The following KIF6 variants were observed in gnomAD, a reference collection of about 807,000 sequenced individuals.
KIF6 encodes kinesin family member 6.
KIF6 carries 106 observed loss-of-function variants against 112.7 expected under a neutral mutation model. The observed-to-expected ratio is 0.94, with a 90% CI of 0.80 to 1.11. The LOEUF is 1.11. Ranked by LOEUF, KIF6 falls within the 50% of genes least tolerant of loss-of-function variation. The probability of loss-of-function intolerance (pLI) is 0.00; values close to 1 mark genes in which losing one functional copy is unlikely to be tolerated. For synonymous variants in KIF6, 339 were observed against 339.9 expected, an observed-to-expected ratio of 1.00 and a Z score of 0.03; for missense variants, 929 against 964.0, an observed-to-expected ratio of 0.96 and a Z score of 0.48.
At position 39,720,700 on chromosome 6, in the gene KIF6, A is replaced by G; in HGVS notation, c.176+2T>C. 6.7e-7 allele frequency: 1 copy of G among 1,489,448 alleles called. No homozygotes were observed. The allele number at this position is 1,489,448 out of a possible 1,614,324, so 92.3% of individuals were successfully genotyped here. On this transcript the variant is annotated splice_donor_variant, in intron 2 of 22. Coordinates refer to ENST00000287152, the MANE Select transcript of KIF6 (RefSeq NM_145027.6). LOFTEE classifies it high-confidence loss of function. ...ATGAAAAAAGGAGAAAGAAAAACTTACTTAAATTTGTAGCTTTCTCGCTTA... is the reference window on the plus strand; with the variant it reads ...ATGAAAAAAGGAGAAAGAAAAACTTGCTTAAATTTGTAGCTTTCTCGCTTA...
At chr6:39,523,957 C>T (rs915647655) in intron 13 of KIF6, among the ~76,000 whole-genome samples, 9 of 152,066 alleles carry the variant, frequency 5.9e-5, no homozygotes, top group African/African-American at 2.2e-4. Context: ...ATAGGAGCCA[C>T]TGCTCCTTTA....
intron 13 of KIF6, among the ~76,000 whole-genome samples, chr6:39,489,911 G>A: frequency 6.6e-6 from 1 of 152,142 alleles, no homozygotes; most frequent in East Asian, 1.9e-4. Context: ...ACTACTGACG[G>A]CATATTTGAC....
At chr6:39,649,450 T>G (rs1160472073) in intron 3 of KIF6, among the ~76,000 whole-genome samples, 1 of 152,192 alleles carries the variant, frequency 6.6e-6, no homozygotes, top group East Asian at 1.9e-4. Flanking sequence ...TGGTAATTTA[T>G]ACATCTGCGG....
At chr6:39,535,529 T>A (rs188204759) in intron 13 of KIF6, among the ~76,000 whole-genome samples, 189 of 152,328 alleles carry the variant, frequency 1.2e-3, no homozygotes, top group African/African-American at 4.5e-3. Context: ...TAAATATATA[T>A]GCAACCAATA....
At chr6:39,505,647 A>C (rs1414239931) in intron 13 of KIF6, among the ~76,000 whole-genome samples, 1 of 152,248 alleles carries the variant, frequency 6.6e-6, no homozygotes, top group Non-Finnish European at 1.5e-5. Flanking sequence ...ACTTAAACAA[A>C]TTTAGAAGAA....
At chr6:39,465,164 G>A (rs1377648019) in intron 13 of KIF6, among the ~76,000 whole-genome samples, 1 of 152,144 alleles carries the variant, frequency 6.6e-6, no homozygotes, top group Non-Finnish European at 1.5e-5. Context: ...CATACCCCAT[G>A]TCTGCACATG....
chr6:39,648,223 C>CGGG lies in KIF6; in HGVS notation c.252-8469_252-8467dup, dbSNP rs34604470. On this transcript the variant is annotated intron_variant, in intron 3 of 22. Transcript: ENST00000287152. ...ATTTTTAGTAGAGACGGGGGGCGGG[C>CGGG]GGGGGGGGGTGCCTCACCATGTTGG... Among the ~76,000 whole-genome samples, 140 of 61,750 alleles carry CGGG rather than the reference C, an allele frequency of 2.3e-3. 2 individuals carry two copies. The highest frequency in any genetic ancestry group is 8.3e-3 in the South Asian group (13 of 1,572). The allele number at this position is 61,750 out of a possible 152,430, so 40.5% of individuals were successfully genotyped here. A position where few individuals can be genotyped will look rare whatever the true frequency, so the allele number is the denominator to read the frequency against.
chr6:39,372,612 G>C (rs1427815167), intron 16 of KIF6, among the ~76,000 whole-genome samples: 8 of 152,266 alleles, frequency 5.3e-5, no homozygotes, highest in African/African-American at 1.9e-4. Flanking sequence ...AAAAAGTTCA[G>C]AGAATGAGAT....
intron 13 of KIF6, among the ~76,000 whole-genome samples, chr6:39,460,075 G>GT (rs1209455848): frequency 2.7e-5 from 4 of 149,236 alleles, no homozygotes; most frequent in Non-Finnish European, 6.0e-5. Context: ...ACATGCACAC[G>GT]TATGTTTATT....
In KIF6 at chr6:39,357,296, G is replaced by C. The variant is rs149250289; in HGVS notation, c.2161C>G (p.Gln721Glu). Residue 721 changes from glutamine (Q) to glutamate (E), a missense_variant, in exon 19 of 23, where the codon CAA becomes GAA. Gln to Glu is a conservative substitution (Grantham distance 29). Coordinates refer to ENST00000287152, the MANE Select transcript of KIF6 (RefSeq NM_145027.6). ...CCTTACCTTTTGTTAGAGAGGAGTTGGGACCATTCATGCTGGGAGTCAGAT... is the reference window on the plus strand; with the variant it reads ...CCTTACCTTTTGTTAGAGAGGAGTTCGGACCATTCATGCTGGGAGTCAGAT... ...QTSDSQHEWS[Q>E]LLSNKSSGGW... is the part of the protein sequence containing the mutation. 2.8e-5 allele frequency: 45 copies of C among 1,612,928 alleles called. No homozygotes were observed. The highest frequency in any genetic ancestry group is 3.7e-5 in the Non-Finnish European group (44 of 1,179,056).
At chr6:39,581,155 T>A (rs1259986710) in intron 9 of KIF6, among the ~76,000 whole-genome samples, 3 of 145,254 alleles carry the variant, frequency 2.1e-5, no homozygotes, top group African/African-American at 7.5e-5. Context: ...TTAGTAGCTT[T>A]ACTTTCTTTT....
intron 13 of KIF6, among the ~76,000 whole-genome samples, chr6:39,486,962 C>A (rs1316428285): frequency 6.6e-6 from 1 of 151,922 alleles, no homozygotes; most frequent in Non-Finnish European, 1.5e-5. Flanking sequence ...TAAAACAGAG[C>A]CATAACAATT....
At position 39,336,175 on chromosome 6, in the gene KIF6, T is replaced by G. The variant is rs1378890128; in HGVS notation, c.*357A>C. ...CCACTGGTGTGAGCATCCTCTGACA[T>G]TATATTTTGATGGTGCTATTTCACA... On this transcript the variant is annotated 3_prime_UTR_variant, in exon 23 of 23. Coordinates refer to ENST00000287152, the MANE Select transcript of KIF6 (RefSeq NM_145027.6). 3 of 210,944 alleles carry G rather than the reference T, an allele frequency of 1.4e-5. No individual in the cohort carries two copies. The highest frequency in any genetic ancestry group is 2.8e-5 in the Non-Finnish European group (3 of 106,666). 13.1% of individuals were successfully genotyped at this position (210,944 alleles called of 1,614,324 possible).
At chr6:39,361,407 C>G (rs542019727) in intron 17 of KIF6, among the ~76,000 whole-genome samples, 4 of 151,756 alleles carry the variant, frequency 2.6e-5, no homozygotes, top group East Asian at 1.9e-4. Flanking sequence ...TAAAAATACA[C>G]AATTAGCTGG....
intron 13 of KIF6, among the ~76,000 whole-genome samples, chr6:39,528,996 C>T (rs1024265530): frequency 6.6e-6 from 1 of 152,138 alleles, no homozygotes; most frequent in Non-Finnish European, 1.5e-5. Flanking sequence ...GAATAGAGAG[C>T]TCAGAAATGA....
chr6:39,715,217 T>C (rs1789764530), intron 2 of KIF6, among the ~76,000 whole-genome samples: 1 of 152,206 alleles, frequency 6.6e-6, no homozygotes, highest in Non-Finnish European at 1.5e-5. Flanking sequence ...AGTTTTAGTA[T>C]TTTGAACTAA....
chr6:39,689,366 C>T (rs989955301), intron 3 of KIF6, among the ~76,000 whole-genome samples: 10 of 151,850 alleles, frequency 6.6e-5, no homozygotes, highest in African/African-American at 2.2e-4. Context: ...TGTGGTGGTG[C>T]GTGCCTGTGG....
chr6:39,519,347 G>A (rs549156110), intron 13 of KIF6, among the ~76,000 whole-genome samples: 2 of 152,276 alleles, frequency 1.3e-5, no homozygotes, highest in African/African-American at 4.8e-5. Context: ...AGTTTATCAT[G>A]TCATGGTTTT....
chr6:39,440,895 G>A (rs1407027137), intron 13 of KIF6, among the ~76,000 whole-genome samples: 1 of 152,198 alleles, frequency 6.6e-6, no homozygotes, highest in Non-Finnish European at 1.5e-5. Flanking sequence ...CCCAGGTGCA[G>A]GACAAGCCAG....
Sources: gnomAD v4.1 joint callset for allele counts (sites outside exome capture counted in the v4.1 genomes callset) on GRCh38, gnomAD v4.1.1 for gene constraint, MANE v1.5 for transcripts, NCBI Gene and HGNC (gene_info 2026-07-23, HGNC 2026-07-21) for gene names.